The following MAF variants were observed in gnomAD, a reference collection of about 807,000 sequenced individuals.
MAF encodes MAF bZIP transcription factor, also known as transcription factor Maf.
A neutral mutation model predicts 22.0 loss-of-function variants in MAF; 10 were observed. The observed-to-expected ratio is 0.45, with a 90% confidence interval of 0.28 to 0.77. The LOEUF is 0.77. Among genes scored for constraint, MAF ranks in the 30% least tolerant of loss-of-function variants. The pLI, the probability that MAF is intolerant of heterozygous loss-of-function variation, is 0.12. For synonymous variants in MAF, 337 were observed against 255.8 expected, an observed-to-expected ratio of 1.32 and a Z score of -3.03; for missense variants, 544 against 548.4, an observed-to-expected ratio of 0.99 and a Z score of 0.08.
the MAF span, among the ~76,000 whole-genome samples, chr16:79,307,881 C>G: frequency 2.0e-5 from 3 of 152,148 alleles, no homozygotes; most frequent in African/African-American, 4.8e-5. Flanking sequence ...TCCTAAAATC[C>G]CAACAGGCCC....
chr16:79,495,003 G>A, the MAF span, among the ~76,000 whole-genome samples: 2 of 152,218 alleles, frequency 1.3e-5, no homozygotes, highest in Non-Finnish European at 2.9e-5. Context: ...GGTATGGTGA[G>A]TAGGGTATGG....
the MAF span, among the ~76,000 whole-genome samples, chr16:79,337,321 C>T: frequency 6.6e-6 from 1 of 152,134 alleles, no homozygotes; most frequent in Non-Finnish European, 1.5e-5. Context: ...CCTGTAATTC[C>T]AGCACTTTGC....
At chr16:79,352,975 T>C in the MAF span, among the ~76,000 whole-genome samples, 4 of 152,114 alleles carry the variant, frequency 2.6e-5, no homozygotes, top group African/African-American at 9.7e-5. Context: ...TAATTCAAAA[T>C]TTGTAACTTT....
At chr16:79,575,554 G>A in the MAF span, among the ~76,000 whole-genome samples, 4 of 152,190 alleles carry the variant, frequency 2.6e-5, no homozygotes, top group African/African-American at 7.2e-5. Context: ...TCTGCTGAGG[G>A]TTTCAAAGGA....
At chr16:79,317,765 C>T in the MAF span, among the ~76,000 whole-genome samples, 3 of 152,212 alleles carry the variant, frequency 2.0e-5, no homozygotes, top group African/African-American at 7.2e-5. Flanking sequence ...CTCTGGGCTC[C>T]ACCTGATGCT....
At chr16:79,524,826 T>C in the MAF span, among the ~76,000 whole-genome samples, 1 of 152,226 alleles carries the variant, frequency 6.6e-6, no homozygotes, top group Non-Finnish European at 1.5e-5. Flanking sequence ...CATCAACTTA[T>C]GGGGCAGACA....
chr16:79,225,756 C>G, the MAF span, among the ~76,000 whole-genome samples: 8 of 152,172 alleles, frequency 5.3e-5, no homozygotes, highest in Non-Finnish European at 1.2e-4. Context: ...GACATTTATA[C>G]AGTCAGCAAA....
chr16:79,289,166 G>A, the MAF span, among the ~76,000 whole-genome samples: 1 of 152,178 alleles, frequency 6.6e-6, no homozygotes, highest in Non-Finnish European at 1.5e-5. Context: ...TCAAGATTGT[G>A]GAGAAACACT....
At chr16:79,480,820 G>A in the MAF span, among the ~76,000 whole-genome samples, 2 of 152,146 alleles carry the variant, frequency 1.3e-5, no homozygotes, top group African/African-American at 2.4e-5. Flanking sequence ...CCCTTCCTCT[G>A]GGAAAACAGT....
the MAF span, among the ~76,000 whole-genome samples, chr16:79,325,839 G>A: frequency 1.3e-5 from 2 of 152,176 alleles, no homozygotes; most frequent in African/African-American, 4.8e-5. Flanking sequence ...GAAGGGAACA[G>A]AAGATACGTG....
At chr16:79,213,788 G>T in the MAF span, among the ~76,000 whole-genome samples, 10 of 107,600 alleles carry the variant, frequency 9.3e-5, no homozygotes, top group South Asian at 2.5e-3. Context: ...TCACAGCAAT[G>T]CAAAAGATAG....
the MAF span, among the ~76,000 whole-genome samples, chr16:79,419,351 G>A: frequency 1.5e-4 from 23 of 152,170 alleles, no homozygotes; most frequent in South Asian, 1.0e-3. Flanking sequence ...TTTTCCTTAC[G>A]TTTGACTCAG....
the MAF span, among the ~76,000 whole-genome samples, chr16:79,466,349 C>T: frequency 6.6e-6 from 1 of 152,166 alleles, no homozygotes; most frequent in Non-Finnish European, 1.5e-5. Flanking sequence ...CCATTAATGC[C>T]ATCCTGAAAA....
At chr16:79,524,892 A>T in the MAF span, among the ~76,000 whole-genome samples, 1 of 152,202 alleles carries the variant, frequency 6.6e-6, no homozygotes, top group African/African-American at 2.4e-5. Context: ...TAAATAGGAG[A>T]CAATGTGGCC....
chr16:79,343,244 C>A, the MAF span, among the ~76,000 whole-genome samples: 2 of 152,090 alleles, frequency 1.3e-5, no homozygotes, highest in East Asian at 1.9e-4. Context: ...CCCAACCCCC[C>A]CCCAAAAAAA....
chr16:79,596,011 G>T (rs73587068), intron 1 of MAF: 34 of 1,060,502 alleles, frequency 3.2e-5, no homozygotes, highest in Non-Finnish European at 3.9e-5. Flanking sequence ...ATCTCGGTGT[G>T]TAAGAGAAGA....
chr16:79,227,382 G>T, the MAF span, among the ~76,000 whole-genome samples: 2 of 152,064 alleles, frequency 1.3e-5, no homozygotes, highest in Admixed American at 6.6e-5. Flanking sequence ...AAAACAACTG[G>T]CTGGTTGTCT....
At chr16:79,529,370 T>C in the MAF span, among the ~76,000 whole-genome samples, 1 of 152,150 alleles carries the variant, frequency 6.6e-6, no homozygotes, top group Non-Finnish European at 1.5e-5. Flanking sequence ...TGTGTATTAA[T>C]AAACAAGCAA....
chr16:79,497,858 A>T, the MAF span, among the ~76,000 whole-genome samples: 1 of 152,232 alleles, frequency 6.6e-6, no homozygotes, highest in South Asian at 2.1e-4. Flanking sequence ...TGATTCCTGC[A>T]ATGCCTTGCT....
Sources: gnomAD v4.1 joint callset for allele counts (sites outside exome capture counted in the v4.1 genomes callset) on GRCh38, gnomAD v4.1.1 for gene constraint, MANE v1.5 for transcripts, NCBI Gene and HGNC (gene_info 2026-07-23, HGNC 2026-07-21) for gene names.